Variants in GLIS3 observed in about 807,000 individuals in gnomAD.
GLIS3 encodes the protein zinc finger protein GLIS3.
GLIS3 carries 53 observed loss-of-function variants against 78.6 expected under a neutral mutation model. The observed-to-expected ratio is 0.67, with a 90% CI of 0.54 to 0.85. The LOEUF is 0.85. Among genes scored for constraint, GLIS3 ranks in the 40% least tolerant of loss-of-function variants. GLIS3 has a pLI of 0.00. For missense variants in GLIS3, 1,703 were observed against 1,231.1 expected (o/e 1.38, Z -5.74); for synonymous variants, 684 against 509.9 (o/e 1.34, Z -4.60).
intron 4 of GLIS3, among the ~76,000 whole-genome samples, chr9:4,087,530 C>T (rs545215999): frequency 6.6e-6 from 1 of 152,092 alleles, no homozygotes; most frequent in African/African-American, 2.4e-5. Flanking sequence ...GTCTTTAGTG[C>T]CAGGGAACAG....
the GLIS3 span, among the ~76,000 whole-genome samples, chr9:4,406,061 T>A: frequency 6.6e-6 from 1 of 152,160 alleles, no homozygotes; most frequent in African/African-American, 2.4e-5. Context: ...AGAAGGAACA[T>A]ACCTCAACAT....
At chr9:4,430,965 T>G in the GLIS3 span, among the ~76,000 whole-genome samples, 1 of 151,178 alleles carries the variant, frequency 6.6e-6, no homozygotes, top group South Asian at 2.1e-4. Flanking sequence ...CTCCTCAGTT[T>G]CAGTTCCTCT....
At chr9:3,850,917 G>A (rs905608610) in intron 9 of GLIS3, among the ~76,000 whole-genome samples, 1 of 152,190 alleles carries the variant, frequency 6.6e-6, no homozygotes, top group Non-Finnish European at 1.5e-5. Flanking sequence ...CCCTCTTCAA[G>A]TATCACTTCT....
At chr9:4,265,091 G>A (rs1019644311) in intron 2 of GLIS3, among the ~76,000 whole-genome samples, 2 of 149,104 alleles carry the variant, frequency 1.3e-5, no homozygotes, top group Admixed American at 1.3e-4. Context: ...AGAATGGCGT[G>A]AACCTGGGAG....
At chr9:3,986,495 C>G (rs1447535444) in intron 4 of GLIS3, among the ~76,000 whole-genome samples, 1 of 152,204 alleles carries the variant, frequency 6.6e-6, no homozygotes, top group Non-Finnish European at 1.5e-5. Flanking sequence ...TAATTCTGCC[C>G]TCTGACCTTT....
chr9:4,179,290 G>T (rs1430783298), intron 2 of GLIS3, among the ~76,000 whole-genome samples: 2 of 152,130 alleles, frequency 1.3e-5, no homozygotes, highest in Non-Finnish European at 2.9e-5. Flanking sequence ...CCTGTGTCGA[G>T]GTTTGCCCTG....
intron 2 of GLIS3, among the ~76,000 whole-genome samples, chr9:4,246,271 T>C (rs1823793877): frequency 1.3e-5 from 2 of 152,160 alleles, no homozygotes; most frequent in African/African-American, 4.8e-5. Flanking sequence ...AAATAACTAT[T>C]TCATTTAAAT....
chr9:4,219,931 C>A (rs901356239), intron 2 of GLIS3, among the ~76,000 whole-genome samples: 3 of 152,144 alleles, frequency 2.0e-5, no homozygotes, highest in Admixed American at 1.3e-4. Context: ...TACCACTGTC[C>A]ACTAAAAGTA....
intron 2 of GLIS3, among the ~76,000 whole-genome samples, chr9:4,195,655 G>A (rs1037971311): frequency 7.2e-5 from 11 of 152,274 alleles, no homozygotes; most frequent in Admixed American, 2.0e-4. Context: ...CCCATCGACC[G>A]CCCAAGGGCT....
intron 4 of GLIS3, among the ~76,000 whole-genome samples, chr9:4,021,541 C>A (rs1391955215): frequency 6.6e-6 from 1 of 152,100 alleles, no homozygotes; most frequent in Non-Finnish European, 1.5e-5. Flanking sequence ...TGGGTAAATT[C>A]TCTTTATTTT....
chr9:4,262,548 T>C (rs575363030), intron 2 of GLIS3, among the ~76,000 whole-genome samples: 7 of 152,238 alleles, frequency 4.6e-5, no homozygotes, highest in Non-Finnish European at 7.4e-5. Flanking sequence ...ATGAGTTAAA[T>C]AGGTAGATCC....
the GLIS3 span, among the ~76,000 whole-genome samples, chr9:4,447,640 C>T: frequency 6.6e-6 from 1 of 152,312 alleles, no homozygotes; most frequent in African/African-American, 2.4e-5. Context: ...GAACCTCAGT[C>T]TGCTTCTAGA....
chr9:3,884,378 GA>G (rs1196261442), intron 7 of GLIS3, among the ~76,000 whole-genome samples: 1 of 152,164 alleles, frequency 6.6e-6, no homozygotes, highest in Admixed American at 6.5e-5. Context: ...GGGAAAGGAT[GA>G]AGACCTCCCT....
chr9:4,351,348 T>G (rs1033894608), upstream of GLIS3, among the ~76,000 whole-genome samples: 1 of 145,236 alleles, frequency 6.9e-6, no homozygotes, highest in Non-Finnish European at 1.5e-5. Context: ...GAAGCTTCAG[T>G]GAACTGTAAT....
chr9:3,989,706 G>C (rs935711156), intron 4 of GLIS3, among the ~76,000 whole-genome samples: 1 of 152,156 alleles, frequency 6.6e-6, no homozygotes, highest in Admixed American at 6.6e-5. Flanking sequence ...AAGATGAGTG[G>C]TTGCCAGGAA....
intron 6 of GLIS3, among the ~76,000 whole-genome samples, chr9:3,929,102 C>G (rs1187394843): frequency 6.6e-6 from 1 of 152,168 alleles, no homozygotes; most frequent in Non-Finnish European, 1.5e-5. Context: ...GCCCTTTGCT[C>G]TATAGGCGAA....
intron 2 of GLIS3, among the ~76,000 whole-genome samples, chr9:4,253,692 A>C (rs1056179528): frequency 6.6e-6 from 1 of 152,190 alleles, no homozygotes; most frequent in Non-Finnish European, 1.5e-5. Flanking sequence ...TGTCCGCCCA[A>C]ACGGCCGCCC....
At chr9:4,326,065 G>A (rs1817593625) in intron 2 of GLIS3, among the ~76,000 whole-genome samples, 1 of 152,190 alleles carries the variant, frequency 6.6e-6, no homozygotes, top group Non-Finnish European at 1.5e-5. Context: ...GGGTGGCAGG[G>A]AGGTAGAGCC....
chr9:3,879,399 A>T (rs750174197), intron 8 of GLIS3, 28 bp downstream of exon 8: 1 of 1,611,894 alleles, frequency 6.2e-7, no homozygotes, highest in Non-Finnish European at 8.5e-7. Context: ...GGCGACACCT[A>T]TTAGGAGAGA....
Sources: allele counts gnomAD v4.1 joint callset (sites outside exome capture counted in the v4.1 genomes callset), GRCh38; gene constraint gnomAD v4.1.1; transcripts MANE v1.5; gene names NCBI Gene and HGNC (gene_info 2026-07-23, HGNC 2026-07-21).